METTL25: variants seen among roughly 807,000 people sequenced by gnomAD.
The protein encoded by METTL25 is methyltransferase like 25, also known as probable methyltransferase-like protein 25.
A neutral mutation model predicts 71.6 loss-of-function variants in METTL25; 64 were observed. The ratio of observed to expected loss-of-function variants is 0.89; its 90% confidence interval spans 0.73 to 1.10. METTL25 has a LOEUF of 1.10. METTL25 is among the 50% of genes least tolerant of loss of function. The probability of loss-of-function intolerance (pLI) is 0.00; values close to 1 mark genes in which losing one functional copy is unlikely to be tolerated. For synonymous variants in METTL25, 287 were observed against 250.3 expected (o/e 1.15, Z -1.38); for missense variants, 807 against 707.0 (o/e 1.14, Z -1.60).
Position 82,438,763 on chromosome 12 carries a change from A to G in METTL25, c.1450A>G (p.Ile484Val). ...LFYRAVLQDI[I>V]KDCYGITKCD... ...CTATCGTGCTGTTCTTCAGGATATTATTAAAGATTGTTATGGCATCACCAA... is the reference window on the plus strand; with the variant it reads ...CTATCGTGCTGTTCTTCAGGATATTGTTAAAGATTGTTATGGCATCACCAA... The change falls in exon 8 of 12, where the codon ATT becomes GTT. Residue 484 changes from isoleucine to valine, a missense_variant. Coordinates refer to ENST00000248306, the MANE Select transcript of METTL25 (RefSeq NM_032230.3). 1 of 1,538,700 alleles carries G rather than the reference A, an allele frequency of 6.5e-7. No homozygotes were observed.
intron 3 of METTL25, among the ~76,000 whole-genome samples, chr12:82,391,815 T>C (rs1364771346): frequency 6.6e-6 from 1 of 151,416 alleles, no homozygotes; most frequent in Non-Finnish European, 1.5e-5. Flanking sequence ...ACCTCTATAC[T>C]GTTTTCCATA....
intron 9 of METTL25, 151 bp from the exon 10 acceptor site, chr12:82,476,493 G>C: frequency 1.7e-6 from 1 of 593,522 alleles, no homozygotes; most frequent in Non-Finnish European, 3.0e-6. Flanking sequence ...GAGTTATCTT[G>C]ACTTGCTTCA....
intron 1 of METTL25, among the ~76,000 whole-genome samples, chr12:82,382,641 T>A (rs545723619): frequency 6.6e-6 from 1 of 152,344 alleles, no homozygotes; most frequent in African/African-American, 2.4e-5. Flanking sequence ...CAAATAGATA[T>A]CATAATAAGA....
At chr12:82,472,155 T>C (rs1892607222) in intron 9 of METTL25, among the ~76,000 whole-genome samples, 1 of 152,208 alleles carries the variant, frequency 6.6e-6, no homozygotes. Flanking sequence ...TTCACATCTT[T>C]AAGAAGTAGC....
At chr12:82,395,219 A>G (rs956189620) in intron 3 of METTL25, among the ~76,000 whole-genome samples, 10 of 152,080 alleles carry the variant, frequency 6.6e-5, no homozygotes, top group African/African-American at 2.2e-4. Flanking sequence ...ATTAGCTCCT[A>G]TCTGAGCAGG....
At chr12:82,427,121 C>T (rs151083784) in intron 5 of METTL25, among the ~76,000 whole-genome samples, 53 of 152,080 alleles carry the variant, frequency 3.5e-4, no homozygotes, top group African/African-American at 1.2e-3. Context: ...TATACTGCCT[C>T]TTCTCTGAAA....
rs1292138980 is a variant in METTL25, at chr12:82,463,852, T to TTTTC, written c.1572+7034_1572+7037dup. 2.0e-5 allele frequency among the ~76,000 whole-genome samples: 3 copies of TTTTC among 152,036 alleles called. No individual in the cohort carries two copies. The East Asian group carries it at 5.8e-4, about 29-fold the overall frequency. On this transcript the variant is annotated intron_variant, in intron 9 of 11. Coordinates refer to ENST00000248306, the MANE Select transcript of METTL25 (RefSeq NM_032230.3). The stretch of plus-strand genomic sequence containing the variant: ...AATGATTAGTGATGTTGAGCATTTT[T>TTTTC]TTTCTATATTTTCTGGCCATTTGTA...
chr12:82,377,113 C>CA (rs796248923), intron 1 of METTL25, among the ~76,000 whole-genome samples: 1,564 of 138,270 alleles, frequency 0.011, 23 homozygotes, highest in African/African-American at 0.037. Context: ...GACTCTGTCT[C>CA]AAAAAAAAAA....
intron 5 of METTL25, among the ~76,000 whole-genome samples, chr12:82,405,172 C>T (rs1886986456): frequency 6.6e-6 from 1 of 152,118 alleles, no homozygotes; most frequent in Admixed American, 6.6e-5. Context: ...GAGGTAGTCT[C>T]AGTATTTTCC....
intron 8 of METTL25, among the ~76,000 whole-genome samples, chr12:82,441,694 C>A (rs1890344102): frequency 6.8e-6 from 1 of 147,748 alleles, no homozygotes; most frequent in African/African-American, 2.5e-5. Context: ...CACCAATAGG[C>A]ACAGAAAAAA....
At chr12:82,378,845 T>C (rs1208911419) in intron 1 of METTL25, among the ~76,000 whole-genome samples, 1 of 151,980 alleles carries the variant, frequency 6.6e-6, no homozygotes, top group Non-Finnish European at 1.5e-5. Context: ...CTGAGTAACA[T>C]AGTGAGACCC....
chr12:82,394,463 G>A (rs574869183), intron 3 of METTL25, among the ~76,000 whole-genome samples: 3 of 152,000 alleles, frequency 2.0e-5, no homozygotes, highest in South Asian at 2.1e-4. Flanking sequence ...GAACACCTTT[G>A]TCTCTTTCAT....
At chr12:82,477,257 A>C in intron 10 of METTL25, 24 bp from the exon 11 acceptor site, 1 of 1,147,138 alleles carries the variant, frequency 8.7e-7, no homozygotes, top group Non-Finnish European at 1.2e-6. Flanking sequence ...CCACCAACCT[A>C]CCTATCTAAT....
At position 82,424,155 on chromosome 12, in the gene METTL25, G is replaced by A. The variant is rs186157789; in HGVS notation, c.1280-6738G>A. 7.0e-4 allele frequency among the ~76,000 whole-genome samples: 107 copies of A among 152,224 alleles called. 1 individual carries two copies. In the East Asian group the frequency reaches 0.018, roughly 26 times the overall value. Reference sequence around the variant, plus strand: ...CCAACCCAAATGTCCAACAATGATAGACTGGATTAAGAAAATGTGGCACAT... The same window carrying A: ...CCAACCCAAATGTCCAACAATGATAAACTGGATTAAGAAAATGTGGCACAT... On this transcript the variant is annotated intron_variant, in intron 5 of 11. Transcript: ENST00000248306.
At chr12:82,400,055 G>C (rs1399257916) in intron 4 of METTL25, among the ~76,000 whole-genome samples, 1 of 151,870 alleles carries the variant, frequency 6.6e-6, no homozygotes, top group Non-Finnish European at 1.5e-5. Flanking sequence ...TGAGTGCCGT[G>C]GCTCACGTCT....
At position 82,445,030 on chromosome 12, in the gene METTL25, A is replaced by C. The variant is rs560723702; in HGVS notation, c.1478+6239A>C. 1.6e-4 allele frequency among the ~76,000 whole-genome samples: 25 copies of C among 152,280 alleles called. 1 individual carries two copies. The South Asian group carries it at 5.0e-3, about 30-fold the overall frequency. On this transcript the variant is annotated intron_variant, in intron 8 of 11. Transcript: ENST00000248306. Reference sequence around the variant, plus strand: ...CATGTACATCAAGAAAAGTAGAAAAACTTGAGAGAAACGACCTAATAGTAT... The same window carrying C: ...CATGTACATCAAGAAAAGTAGAAAACCTTGAGAGAAACGACCTAATAGTAT...
At chr12:82,386,703 C>T (rs1017987101) in intron 1 of METTL25, 100 bp from the exon 2 acceptor site, 2 of 903,434 alleles carry the variant, frequency 2.2e-6, no homozygotes, top group Non-Finnish European at 3.3e-6. Flanking sequence ...AAAATATTGG[C>T]ATTTGTTATA....
intron 5 of METTL25, chr12:82,407,828 C>T (rs1387121224): frequency 1.0e-6 from 1 of 984,912 alleles, no homozygotes; most frequent in Non-Finnish European, 1.2e-6. Flanking sequence ...TTTGCCTAGC[C>T]CTGGACTGCC....
At chr12:82,385,659 C>T (rs541027636) in intron 1 of METTL25, among the ~76,000 whole-genome samples, 4 of 152,264 alleles carry the variant, frequency 2.6e-5, no homozygotes, top group African/African-American at 7.2e-5. Context: ...TTGAACTAAT[C>T]TGTCAGTGTG....
Sources: gnomAD v4.1 joint callset for allele counts (sites outside exome capture counted in the v4.1 genomes callset) on GRCh38, gnomAD v4.1.1 for gene constraint, MANE v1.5 for transcripts, NCBI Gene and HGNC (gene_info 2026-07-23, HGNC 2026-07-21) for gene names.